ADAMTSL1: variants seen among roughly 807,000 people sequenced by gnomAD.
The protein encoded by ADAMTSL1 is ADAMTS-like protein 1.
In ADAMTSL1, 126 loss-of-function variants were observed where a neutral mutation model predicts 201.8. The observed-to-expected ratio is 0.62, with a 90% CI of 0.54 to 0.72. The LOEUF (loss-of-function observed/expected upper bound fraction) is 0.72. Among genes scored for constraint, ADAMTSL1 ranks in the 30% least tolerant of loss-of-function variants. The pLI is 0.00. For missense variants in ADAMTSL1, 2,679 were observed against 2,277.8 expected, an observed-to-expected ratio of 1.18 and a Z score of -3.59; for synonymous variants, 1,121 against 903.4, an observed-to-expected ratio of 1.24 and a Z score of -4.32.
chr9:18,528,792 A>G (rs1416553144), intron 2 of ADAMTSL1, among the ~76,000 whole-genome samples: 1 of 152,184 alleles, frequency 6.6e-6, no homozygotes. Flanking sequence ...ACAGTGCTGT[A>G]ACTATTTTAT....
chr9:17,961,715 CA>C (rs1449737601), intron 1 of ADAMTSL1, among the ~76,000 whole-genome samples: 2 of 152,152 alleles, frequency 1.3e-5, no homozygotes, highest in East Asian at 3.9e-4. Flanking sequence ...TGTGAAGCAT[CA>C]GGGGTGAAAA....
intron 14 of ADAMTSL1, chr9:18,718,534 A>G (rs1388708322): frequency 5.8e-6 from 3 of 516,742 alleles, no homozygotes; most frequent in Non-Finnish European, 1.2e-5. Context: ...GCATGATGCA[A>G]ACTTGTCGAA....
chr9:18,408,640 A>G (rs1818304265), intron 2 of ADAMTSL1, among the ~76,000 whole-genome samples: 1 of 152,214 alleles, frequency 6.6e-6, no homozygotes, highest in African/African-American at 2.4e-5. Context: ...TATAAAAACA[A>G]TTATTGAAAC....
At chr9:18,148,045 A>C (rs1826729309) in intron 1 of ADAMTSL1, among the ~76,000 whole-genome samples, 1 of 152,136 alleles carries the variant, frequency 6.6e-6, no homozygotes, top group South Asian at 2.1e-4. Context: ...CTTATAATGT[A>C]GTAGAAGCTA....
At chr9:18,527,063 A>T (rs1047387407) in intron 2 of ADAMTSL1, among the ~76,000 whole-genome samples, 1 of 152,180 alleles carries the variant, frequency 6.6e-6, no homozygotes, top group African/African-American at 2.4e-5. Context: ...TCATGGTTAC[A>T]GTGAGCTATG....
At chr9:18,344,529 C>T (rs1428970125) in intron 2 of ADAMTSL1, among the ~76,000 whole-genome samples, 1 of 151,982 alleles carries the variant, frequency 6.6e-6, no homozygotes, top group African/African-American at 2.4e-5. Context: ...TTTAAGTGCA[C>T]AATACACATG....
intron 2 of ADAMTSL1, among the ~76,000 whole-genome samples, chr9:18,301,366 A>T (rs1421172877): frequency 6.6e-6 from 1 of 152,196 alleles, no homozygotes; most frequent in Non-Finnish European, 1.5e-5. Context: ...GAATCAGGAG[A>T]TTGCGGTACA....
chr9:18,479,818 CAG>C (rs1821632111), intron 1 of ADAMTSL1, among the ~76,000 whole-genome samples: 1 of 152,078 alleles, frequency 6.6e-6, no homozygotes, highest in African/African-American at 2.4e-5. Context: ...AAGGTGAAAA[CAG>C]GGAAAAGTAC....
At chr9:18,359,045 A>G (rs2133067447) in intron 2 of ADAMTSL1, among the ~76,000 whole-genome samples, 1 of 152,296 alleles carries the variant, frequency 6.6e-6, no homozygotes, top group South Asian at 2.1e-4. Flanking sequence ...AATGCATGCT[A>G]CAAGCAGATA....
At chr9:18,483,177 T>G (rs1563987510) in intron 1 of ADAMTSL1, among the ~76,000 whole-genome samples, 1 of 152,206 alleles carries the variant, frequency 6.6e-6, no homozygotes, top group Non-Finnish European at 1.5e-5. Flanking sequence ...GACAAAGAGT[T>G]TGATATAGAA....
intron 2 of ADAMTSL1, among the ~76,000 whole-genome samples, chr9:18,199,830 C>T (rs1446672171): frequency 6.6e-6 from 1 of 152,080 alleles, no homozygotes; most frequent in Non-Finnish European, 1.5e-5. Context: ...AAGGATCAAA[C>T]TGTTGTTATA....
At chr9:18,418,796 T>C (rs1563947489) in intron 2 of ADAMTSL1, among the ~76,000 whole-genome samples, 1 of 152,222 alleles carries the variant, frequency 6.6e-6, no homozygotes, top group Non-Finnish European at 1.5e-5. Flanking sequence ...TTTATGCCAT[T>C]CCACTCACAA....
intron 15 of ADAMTSL1, among the ~76,000 whole-genome samples, chr9:18,750,085 T>C (rs1819379527): frequency 6.6e-6 from 1 of 152,244 alleles, no homozygotes; most frequent in South Asian, 2.1e-4. Flanking sequence ...GCACTGGCCA[T>C]GGATGTTAGA....
At chr9:18,349,267 G>A (rs965770157) in intron 2 of ADAMTSL1, among the ~76,000 whole-genome samples, 2 of 152,124 alleles carry the variant, frequency 1.3e-5, no homozygotes, top group African/African-American at 4.8e-5. Context: ...AAACAATGAG[G>A]GCATGTTGCA....
At chr9:18,282,820 C>G (rs1030795419) in intron 2 of ADAMTSL1, among the ~76,000 whole-genome samples, 37 of 152,292 alleles carry the variant, frequency 2.4e-4, no homozygotes, top group African/African-American at 6.7e-4. Context: ...TCGCTTGAAC[C>G]CGGGAGACAG....
At chr9:18,202,701 T>A (rs564738949) in intron 2 of ADAMTSL1, among the ~76,000 whole-genome samples, 20 of 152,306 alleles carry the variant, frequency 1.3e-4, no homozygotes, top group African/African-American at 4.6e-4. Context: ...TCCGTCCCCT[T>A]ATTTATCTGC....
intron 20 of ADAMTSL1, among the ~76,000 whole-genome samples, chr9:18,812,864 A>C (rs533643461): frequency 6.6e-6 from 1 of 151,560 alleles, no homozygotes; most frequent in Non-Finnish European, 1.5e-5. Context: ...ATTCTGTTCC[A>C]TGGGTTTATG....
At position 18,357,977 on chromosome 9, in the gene ADAMTSL1, C is replaced by G. The variant is rs558284739; in HGVS notation, c.208-146852C>G. 4.5e-4 allele frequency among the ~76,000 whole-genome samples: 68 copies of G among 152,260 alleles called. No homozygotes were observed. The South Asian group carries it at 0.013, about 28-fold the overall frequency. On this transcript the variant is annotated intron_variant, in intron 2 of 29. Coordinates refer to the ADAMTSL1 transcript ENST00000680146. ...TTTGTTGTTGTTCAGTCTAAAGCTCCTTCTCACCCTATTTTCCAAGGAGGC... is the reference window on the plus strand; with the variant it reads ...TTTGTTGTTGTTCAGTCTAAAGCTCGTTCTCACCCTATTTTCCAAGGAGGC...
At chr9:18,632,325 T>C (rs1017483743) in intron 5 of ADAMTSL1, among the ~76,000 whole-genome samples, 1 of 152,252 alleles carries the variant, frequency 6.6e-6, no homozygotes, top group Non-Finnish European at 1.5e-5. Flanking sequence ...TTTTAATTGT[T>C]TTCCCTATTT....
Sources: gnomAD v4.1 joint callset for allele counts (sites outside exome capture counted in the v4.1 genomes callset) on GRCh38, gnomAD v4.1.1 for gene constraint, MANE v1.5 for transcripts, NCBI Gene and HGNC (gene_info 2026-07-23, HGNC 2026-07-21) for gene names.